ARID1B: variants seen among roughly 807,000 people sequenced by gnomAD.
ARID1B encodes the protein AT-rich interactive domain-containing protein 1B.
ARID1B carries 30 observed loss-of-function variants against 212.3 expected under a neutral mutation model. The observed-to-expected ratio is 0.14, with a 90% CI of 0.11 to 0.19. ARID1B has a LOEUF of 0.19. Ranked by LOEUF, ARID1B falls within the 10% of genes least tolerant of loss-of-function variation. The probability of loss-of-function intolerance (pLI) is 1.00; values close to 1 mark genes in which losing one functional copy is unlikely to be tolerated. For missense variants in ARID1B, 2,891 were observed against 3,204.0 expected (o/e 0.90, Z 2.36); for synonymous variants, 1,402 against 1,301.7 (o/e 1.08, Z -1.66).
chr6:157,124,754 A>G (rs1036331864), intron 6 of ARID1B, among the ~76,000 whole-genome samples: 10 of 152,214 alleles, frequency 6.6e-5, no homozygotes, highest in African/African-American at 1.9e-4. Context: ...ATCATGACAT[A>G]AAATATGTCT....
intron 2 of ARID1B, among the ~76,000 whole-genome samples, chr6:156,895,540 G>T (rs1397312997): frequency 6.6e-6 from 1 of 152,314 alleles, no homozygotes; most frequent in African/African-American, 2.4e-5. Context: ...ACCTCCTGGG[G>T]TGTCCCCTCC....
intron 1 of ARID1B, among the ~76,000 whole-genome samples, chr6:156,795,286 G>T (rs1780284225): frequency 6.6e-6 from 1 of 152,116 alleles, no homozygotes; most frequent in Non-Finnish European, 1.5e-5. Context: ...ATTCGCTGGG[G>T]TTTACGAGTC....
chr6:156,897,218 G>GCTGCTGCTGCTTCTTCTTCTT (rs1554264583), intron 2 of ARID1B, among the ~76,000 whole-genome samples: 5 of 91,378 alleles, frequency 5.5e-5, no homozygotes, highest in South Asian at 8.5e-4. Flanking sequence ...TGCTGCTGCT[G>GCTGCTGCTGCTTCTTCTTCTT]CTTCTTCTTC....
chr6:157,004,897 C>CTTTTTTTTT lies in ARID1B; in HGVS notation c.2247+69347_2247+69355dup, dbSNP rs1177807875. Among the ~76,000 whole-genome samples, 71 of 54,650 alleles carry CTTTTTTTTT rather than the reference C, an allele frequency of 1.3e-3. 4 individuals carry two copies. Among genetic ancestry groups the CTTTTTTTTT allele is most frequent in the Non-Finnish European group, 2.2e-3 (59 of 27,252 alleles). 35.9% of individuals were successfully genotyped at this position (54,650 alleles called of 152,430 possible). A position where few individuals can be genotyped will look rare whatever the true frequency, so the allele number is the denominator to read the frequency against. On this transcript the variant is annotated intron_variant, in intron 4 of 19. Transcript: ENST00000636930. Reference sequence around the variant, plus strand: ...TTTTTTCTTTTTCTTCTTCTTTTTTCTTTTTTTTTTTTTTTTTTTTTTTTT... The same window carrying CTTTTTTTTT: ...TTTTTTCTTTTTCTTCTTCTTTTTTCTTTTTTTTTTTTTTTTTTTTTTTTTTTTTTTTTT...
chr6:157,190,343 C>A lies in ARID1B; in HGVS notation c.4231+133C>A. ...ATCGGTGTGGGTCCCAGGTCCCCATCCTACTCCACTTGTGGCCTTGGGAAA... is the reference window on the plus strand; with the variant it reads ...ATCGGTGTGGGTCCCAGGTCCCCATACTACTCCACTTGTGGCCTTGGGAAA... On this transcript the variant is annotated intron_variant, in intron 15 of 19. Coordinates refer to ENST00000636930, the MANE Select transcript of ARID1B (RefSeq NM_001374828.1). This position sits in a 1 kb window ranked among gnomAD's most constrained non-coding sequence, Gnocchi z 4.6. The A allele has an allele frequency of 9.0e-7, 1 of 1,116,846 alleles. No individual in the cohort carries two copies. Among genetic ancestry groups the A allele is most frequent in the Non-Finnish European group, 1.2e-6 (1 of 810,802 alleles). The allele number at this position is 1,116,846 out of a possible 1,614,324, so 69.2% of individuals were successfully genotyped here.
Position 156,953,092 on chromosome 6 carries a change from T to C in ARID1B, c.2247+17516T>C, listed in dbSNP as rs77989514. 5.7e-3 allele frequency among the ~76,000 whole-genome samples: 868 copies of C among 152,336 alleles called. 14 individuals are homozygous for C. Among genetic ancestry groups the C allele is most frequent in the African/African-American group, 0.02 (836 of 41,572 alleles). On this transcript the variant is annotated intron_variant, in intron 4 of 19. Coordinates refer to ENST00000636930, the MANE Select transcript of ARID1B (RefSeq NM_001374828.1). Reference sequence around the variant, plus strand: ...CAGTACTGTGTCAGCTTTATGCACTTATTATTATTTTTTTAAGACACAAAA... The same window carrying C: ...CAGTACTGTGTCAGCTTTATGCACTCATTATTATTTTTTTAAGACACAAAA...
intron 3 of ARID1B, among the ~76,000 whole-genome samples, chr6:156,927,792 T>G (rs1338505666): frequency 6.6e-6 from 1 of 152,232 alleles, no homozygotes; most frequent in Non-Finnish European, 1.5e-5. Context: ...TAGAAACCAT[T>G]CAGTCATTCA....
intron 1 of ARID1B, among the ~76,000 whole-genome samples, chr6:156,783,494 T>G (rs1738495304): frequency 6.6e-6 from 1 of 152,176 alleles, no homozygotes; most frequent in Non-Finnish European, 1.5e-5. Flanking sequence ...CAGTTCTATT[T>G]TTTATTAATA....
At chr6:157,083,110 A>G (rs576593333) in intron 4 of ARID1B, among the ~76,000 whole-genome samples, 2 of 152,200 alleles carry the variant, frequency 1.3e-5, no homozygotes, top group South Asian at 2.1e-4. Context: ...TTTCTGGTCT[A>G]GGTTTACTCT....
intron 3 of ARID1B, among the ~76,000 whole-genome samples, chr6:156,917,411 A>T (rs1790444962): frequency 6.6e-6 from 1 of 152,130 alleles, no homozygotes; most frequent in African/African-American, 2.4e-5. Flanking sequence ...GACCTAAAGG[A>T]GCCCCTAGTT....
At chr6:156,795,513 C>T (rs917173372) in intron 1 of ARID1B, among the ~76,000 whole-genome samples, 6 of 152,116 alleles carry the variant, frequency 3.9e-5, no homozygotes, top group Admixed American at 1.3e-4. Context: ...ATCATCAAGA[C>T]GGTAATGCAT....
intron 7 of ARID1B, among the ~76,000 whole-genome samples, chr6:157,143,513 T>TA (rs576436474): frequency 1.5e-3 from 233 of 152,166 alleles, no homozygotes; most frequent in African/African-American, 5.2e-3. Flanking sequence ...GTGATGTTGT[T>TA]ATGGCCATTG....
chr6:157,075,224 G>T (rs1383578387), intron 4 of ARID1B, among the ~76,000 whole-genome samples: 1 of 152,118 alleles, frequency 6.6e-6, no homozygotes, highest in Non-Finnish European at 1.5e-5. Context: ...TAAGAAAAAT[G>T]CATGGTTTTA....
At chr6:157,001,887 G>A (rs1778934737) in intron 4 of ARID1B, among the ~76,000 whole-genome samples, 1 of 152,314 alleles carries the variant, frequency 6.6e-6, no homozygotes, top group African/African-American at 2.4e-5. Context: ...GAGTTTTGGC[G>A]ATAGGTCGCA....
intron 1 of ARID1B, among the ~76,000 whole-genome samples, chr6:156,787,022 T>C (rs1029840211): frequency 4.0e-5 from 6 of 151,880 alleles, no homozygotes; most frequent in African/African-American, 1.5e-4. Context: ...TGTAGGTTGT[T>C]GTGATATAGT....
Position 157,200,682 on chromosome 6 carries a change from A to G in ARID1B, c.4480-23A>G, listed in dbSNP as rs1562344817. ...ATACCTGTAAGAGCACATCAGGATGATTTGTCTTTCTGTGAATTCCAGAAT... is the reference window on the plus strand; with the variant it reads ...ATACCTGTAAGAGCACATCAGGATGGTTTGTCTTTCTGTGAATTCCAGAAT... On this transcript the variant is annotated intron_variant, in intron 17 of 19. Transcript: ENST00000636930. This position sits in a 1 kb window ranked among gnomAD's most constrained non-coding sequence, Gnocchi z 4.3. The G allele has an allele frequency of 6.3e-7, 1 of 1,579,894 alleles. No homozygotes were observed. The highest frequency in any genetic ancestry group is 1.4e-5 in the African/African-American group (1 of 74,050).
chr6:156,950,952 T>A (rs944650233), intron 4 of ARID1B, among the ~76,000 whole-genome samples: 9 of 152,226 alleles, frequency 5.9e-5, no homozygotes, highest in African/African-American at 9.7e-5. Flanking sequence ...ATGAATTTTT[T>A]AAAATACTCT....
chr6:156,830,748 C>G (rs1033963420), intron 2 of ARID1B, among the ~76,000 whole-genome samples: 1 of 150,796 alleles, frequency 6.6e-6, no homozygotes, highest in Non-Finnish European at 1.5e-5. Context: ...GGCAATGTAT[C>G]GAGACCCTAA....
At position 157,148,121 on chromosome 6, in the gene ARID1B, C is replaced by CA. The variant is rs1789935084; in HGVS notation, c.2762-502dup. On this transcript the variant is annotated intron_variant, in intron 7 of 19. Coordinates refer to ENST00000636930, the MANE Select transcript of ARID1B (RefSeq NM_001374828.1). This position sits in a 1 kb window ranked among gnomAD's most constrained non-coding sequence, Gnocchi z 5.6. The stretch of plus-strand genomic sequence containing the variant: ...GGGCTCATGTCAGGTTCCCGCGTGA[C>CA]ACCTTCCTGTGGGGTTTTAAAGGAT... Among the ~76,000 whole-genome samples, 1 of 152,064 alleles carries CA rather than the reference C, an allele frequency of 6.6e-6. No individual in the cohort carries two copies. The highest frequency in any genetic ancestry group is 1.5e-5 in the Non-Finnish European group (1 of 67,994).
Sources: allele counts gnomAD v4.1 joint callset (sites outside exome capture counted in the v4.1 genomes callset), GRCh38; gene constraint gnomAD v4.1.1; non-coding constraint Gnocchi (gnomAD v3.1); transcripts MANE v1.5; gene names NCBI Gene and HGNC (gene_info 2026-07-23, HGNC 2026-07-21).